SI: variants seen among roughly 807,000 people sequenced by gnomAD.
The protein encoded by SI is sucrase-isomaltase, intestinal.
SI carries 235 observed loss-of-function variants against 253.3 expected under a neutral mutation model. The observed-to-expected ratio is 0.93, with a 90% CI of 0.83 to 1.03. The LOEUF (loss-of-function observed/expected upper bound fraction) is 1.03, where lower values mean the gene tolerates loss of function less well. Among genes scored for constraint, SI ranks in the 50% least tolerant of loss-of-function variants. The probability of loss-of-function intolerance (pLI) is 0.00; values close to 1 mark genes in which losing one functional copy is unlikely to be tolerated. For missense variants in SI, 2,442 were observed against 2,211.1 expected (o/e 1.10, Z -2.09); for synonymous variants, 819 against 712.0 (o/e 1.15, Z -2.39).
rs34229566 is a variant in SI, at chr3:165,023,568, A to AC, written c.3099+1dup. On this transcript the variant is annotated splice_donor_variant, in intron 26 of 47. Coordinates refer to ENST00000264382, the MANE Select transcript of SI (RefSeq NM_001041.4). LOFTEE classifies it high-confidence loss of function. Reference sequence around the variant, plus strand: ...CTTTGGGGTAGTTTATATCAAGCATACCTTAAACTGCAACATATCATTTTT... The same window carrying AC: ...CTTTGGGGTAGTTTATATCAAGCATACCCTTAAACTGCAACATATCATTTTT... The AC allele has an allele frequency of 6.2e-7, 1 of 1,605,972 alleles. No homozygotes were observed. Among genetic ancestry groups the AC allele is most frequent in the Non-Finnish European group, 8.5e-7 (1 of 1,173,566 alleles).
At chr3:165,090,048 T>G in the SI span, among the ~76,000 whole-genome samples, 1 of 152,002 alleles carries the variant, frequency 6.6e-6, no homozygotes, top group African/African-American at 2.4e-5. Context: ...CCCCAAAATG[T>G]ACATGTGGAA....
chr3:164,980,671 TC>T (rs1421288094), intron 47 of SI, among the ~76,000 whole-genome samples: 2 of 151,946 alleles, frequency 1.3e-5, no homozygotes, highest in Non-Finnish European at 2.9e-5. Context: ...AAATATTTGT[TC>T]TCAACACTTA....
intron 25 of SI, among the ~76,000 whole-genome samples, chr3:165,028,668 G>A (rs1228624693): frequency 6.6e-6 from 1 of 151,020 alleles, no homozygotes; most frequent in Non-Finnish European, 1.5e-5. Context: ...CGATAAAGCA[G>A]ACAAAAACAT....
chr3:164,981,980 ATAACAGTTATT>A (rs1717210064), intron 47 of SI, among the ~76,000 whole-genome samples: 1 of 152,160 alleles, frequency 6.6e-6, no homozygotes, highest in Admixed American at 6.6e-5. Context: ...TCATATAGGG[ATAACAGTTATT>A]TAAAGTTTTA....
At position 164,982,374 on chromosome 3, in the gene SI, T is replaced by C; in HGVS notation, c.5284A>G (p.Ile1762Val). Residue 1762 changes from isoleucine (I) to valine (V), a missense_variant, in exon 47 of 48, where the codon ATA becomes GTA. Ile to Val is a conservative substitution (Grantham distance 29, BLOSUM62 3). Transcript: ENST00000264382. ...CCAAGCCTCGTTTCACTTTTATTTATGTAACCTCTCTTCAATATAGTGCTT... is the reference window on the plus strand; with the variant it reads ...CCAAGCCTCGTTTCACTTTTATTTACGTAACCTCTCTTCAATATAGTGCTT... ...LTSTILKRGY[I>V]NKSETRLGSL... The C allele has an allele frequency of 1.2e-6, 2 of 1,612,320 alleles. No individual in the cohort carries two copies. Among genetic ancestry groups the C allele is most frequent in the East Asian group, 2.2e-5 (1 of 44,744 alleles).
chr3:165,013,422 TA>T (rs1331766340), intron 33 of SI, among the ~76,000 whole-genome samples: 1 of 152,064 alleles, frequency 6.6e-6, no homozygotes, highest in African/African-American at 2.4e-5. Flanking sequence ...CTAAAAACAA[TA>T]AATCTTTTTG....
At position 165,037,931 on chromosome 3, in the gene SI, T is replaced by C. The variant is rs150246328; in HGVS notation, c.2395A>G (p.Ile799Val). 3.4e-3 allele frequency: 5,466 copies of C among 1,610,570 alleles called. 16 individuals are homozygous for C. Among genetic ancestry groups the C allele is most frequent in the Non-Finnish European group, 4.2e-3 (4,984 of 1,177,654 alleles). The part of the protein sequence containing the change: ...LHLRGGYIIP[I>V]QEPDVTTTAS... ...GTTGTTGTTACATCTGGTTCTTGAA[T>C]GGGGATGATATAACCTCCTCTAAGA... The change falls in exon 21 of 48, where the codon ATT becomes GTT. Residue 799 changes from isoleucine to valine, a missense_variant. Coordinates refer to ENST00000264382, the MANE Select transcript of SI (RefSeq NM_001041.4).
intron 43 of SI, among the ~76,000 whole-genome samples, chr3:164,991,690 A>G (rs774220825): frequency 1.3e-5 from 2 of 152,164 alleles, no homozygotes; most frequent in Non-Finnish European, 2.9e-5. Context: ...TTAAATATAC[A>G]TGGTGAAATT....
Position 165,007,919 on chromosome 3 carries a change from TA to T in SI, c.4258del (p.Tyr1420IlefsTer45). The T allele has an allele frequency of 7.0e-6, 11 of 1,569,318 alleles. No individual in the cohort carries two copies. The highest frequency in any genetic ancestry group is 9.6e-6 in the Non-Finnish European group (11 of 1,141,176). On this transcript the variant is annotated frameshift_variant, in exon 36 of 48. Transcript: ENST00000264382. LOFTEE classifies it high-confidence loss of function. ...CRNDELNYPP[Y>X]FPELTKRTDG... is the part of the protein sequence containing the mutation. ...TACCAACAATATTGTACCTGGGAAATAAGGTGGATAATTTAGTTCGTCATTT... is the reference window on the plus strand; with the variant it reads ...TACCAACAATATTGTACCTGGGAAATAGGTGGATAATTTAGTTCGTCATTT...
rs147881967 is a variant in SI at position 165,022,600 on chromosome 3, TACAC to T, written c.3099+966_3099+969del. On this transcript the variant is annotated intron_variant, in intron 26 of 47. Transcript: ENST00000264382. Reference sequence around the variant, plus strand: ...TTCTATGCTTTTGTGCCATCACACATACACACACACACACACACACACAAAATCT... The same window carrying T: ...TTCTATGCTTTTGTGCCATCACACATACACACACACACACACACAAAATCT... 2.1e-3 allele frequency among the ~76,000 whole-genome samples: 264 copies of T among 128,072 alleles called. 1 individual carries two copies. Among genetic ancestry groups the T allele is most frequent in the African/African-American group, 6.2e-3 (222 of 35,620 alleles). 84.0% of individuals were successfully genotyped at this position (128,072 alleles called of 152,430 possible). A position where few individuals can be genotyped will look rare whatever the true frequency, so the allele number is the denominator to read the frequency against.
intron 31 of SI, among the ~76,000 whole-genome samples, chr3:165,017,215 A>G (rs1719079537): frequency 6.6e-6 from 1 of 151,954 alleles, no homozygotes; most frequent in South Asian, 2.1e-4. Flanking sequence ...TATTGATGAT[A>G]CATATTTCTG....
At position 165,018,002 on chromosome 3, in the gene SI, T is replaced by C; in HGVS notation, c.3488A>G (p.His1163Arg). ...ATTGCTGTTGAGTAAGAAAACACCATGAGCATTGCCCTCCTCTTCCAGAGC... is the reference window on the plus strand; with the variant it reads ...ATTGCTGTTGAGTAAGAAAACACCACGAGCATTGCCCTCCTCTTCCAGAGC... ...YMALEEEGNAHGVFLLNSNAM... is the reference protein window; with the variant it reads ...YMALEEEGNARGVFLLNSNAM... Residue 1163 changes from histidine to arginine, a missense_variant, in exon 29 of 48, where the codon CAT (histidine) becomes CGT (arginine). By Grantham distance (29) the His-to-Arg change is conservative. Coordinates refer to ENST00000264382, the MANE Select transcript of SI (RefSeq NM_001041.4). 1 of 1,611,492 alleles carries C rather than the reference T, an allele frequency of 6.2e-7. No individual in the cohort carries two copies. Among genetic ancestry groups the C allele is most frequent in the Non-Finnish European group, 8.5e-7 (1 of 1,177,812 alleles).
intron 37 of SI, among the ~76,000 whole-genome samples, chr3:165,006,115 A>G (rs2108153491): frequency 6.6e-6 from 1 of 152,164 alleles, no homozygotes; most frequent in East Asian, 1.9e-4. Context: ...TTATGTTTTT[A>G]TTTTTATTTT....
chr3:165,043,374 C>A (rs538427653), intron 16 of SI, among the ~76,000 whole-genome samples, 199 bp from the exon 17 acceptor site: 1 of 151,828 alleles, frequency 6.6e-6, no homozygotes, highest in South Asian at 2.1e-4. Context: ...ATGTTCTTTC[C>A]TTCATTGTCC....
the SI span, among the ~76,000 whole-genome samples, chr3:165,090,166 A>G: frequency 1.3e-5 from 2 of 150,370 alleles, no homozygotes; most frequent in African/African-American, 4.9e-5. Flanking sequence ...AAAAAGAGAG[A>G]GAGAGAGAGA....
the SI span, among the ~76,000 whole-genome samples, chr3:165,087,836 T>C: frequency 3.9e-5 from 6 of 152,302 alleles, no homozygotes; most frequent in East Asian, 7.7e-4. Flanking sequence ...AGTAAACATA[T>C]TAGTGATGGC....
intron 27 of SI, among the ~76,000 whole-genome samples, chr3:165,020,807 T>C (rs568114897): frequency 6.6e-6 from 1 of 151,828 alleles, no homozygotes; most frequent in South Asian, 2.1e-4. Flanking sequence ...GTAACTTATT[T>C]TCACTAATAC....
At chr3:165,026,021 A>G (rs1380396512) in intron 25 of SI, among the ~76,000 whole-genome samples, 2 of 151,424 alleles carry the variant, frequency 1.3e-5, no homozygotes, top group African/African-American at 4.8e-5. Flanking sequence ...TAAATGCTCC[A>G]CTTTAAGGAC....
chr3:165,058,887 C>CACACACAT lies in SI; in HGVS notation c.1398+75_1398+76insATGTGTGT, dbSNP rs199590463. On this transcript the variant is annotated intron_variant, in intron 12 of 47. Transcript: ENST00000264382. ...ACACACACACACACACACACACACA[C>CACACACAT]GCACATCCACAGAAACTTTATTATT... 20 of 1,224,526 alleles carry CACACACAT rather than the reference C, an allele frequency of 1.6e-5. No homozygotes were observed. In the East Asian group the frequency reaches 3.1e-4, roughly 19 times the overall value. 75.9% of individuals were successfully genotyped at this position (1,224,526 alleles called of 1,614,324 possible).
Sources: gnomAD v4.1 joint callset for allele counts (sites outside exome capture counted in the v4.1 genomes callset) on GRCh38, gnomAD v4.1.1 for gene constraint, MANE v1.5 for transcripts, NCBI Gene and HGNC (gene_info 2026-07-23, HGNC 2026-07-21) for gene names.